SEMA3C: variants seen among roughly 807,000 people sequenced by gnomAD.
SEMA3C encodes semaphorin 3C.
In SEMA3C, 47 loss-of-function variants were observed where a neutral mutation model predicts 89.4. The ratio of observed to expected loss-of-function variants is 0.53; its 90% CI spans 0.42 to 0.67. The LOEUF (loss-of-function observed/expected upper bound fraction) is 0.67, where lower values mean the gene tolerates loss of function less well. SEMA3C is among the 30% of genes least tolerant of loss of function. SEMA3C has a pLI of 0.00. For synonymous variants in SEMA3C, 310 were observed against 320.2 expected (o/e 0.97, Z 0.34); for missense variants, 839 against 929.1 (o/e 0.90, Z 1.26).
intron 17 of SEMA3C, among the ~76,000 whole-genome samples, chr7:80,745,972 A>C (rs1406652158): frequency 1.3e-5 from 2 of 152,160 alleles, no homozygotes; most frequent in Non-Finnish European, 2.9e-5. Flanking sequence ...ATGAATTAAT[A>C]TTTAATTACT....
At chr7:80,818,771 G>A (rs1789674466) in intron 4 of SEMA3C, among the ~76,000 whole-genome samples, 1 of 152,212 alleles carries the variant, frequency 6.6e-6, no homozygotes, top group South Asian at 2.1e-4. Context: ...CCACAGGTTG[G>A]ACAAGTTTGT....
chr7:80,909,983 C>T (rs2116233404), intron 2 of SEMA3C, among the ~76,000 whole-genome samples: 1 of 152,198 alleles, frequency 6.6e-6, no homozygotes, highest in Middle Eastern at 3.4e-3. Context: ...CAGTGTTGTA[C>T]ATACTTGGAG....
In SEMA3C at chr7:80,827,010, A is replaced by AT. The variant is rs1259014194; in HGVS notation, c.327+414dup. On this transcript the variant is annotated intron_variant, in intron 4 of 17. Transcript: ENST00000265361. The stretch of plus-strand genomic sequence containing the variant: ...CATTTATCACTGGTGATTTGTATTT[A>AT]TGGAATTTGCTGGCTAACCACTACC... Among the ~76,000 whole-genome samples the AT allele has an allele frequency of 2.6e-5, 4 of 152,182 alleles. No homozygotes were observed. In the East Asian group the frequency reaches 7.7e-4, roughly 29 times the overall value.
intron 2 of SEMA3C, among the ~76,000 whole-genome samples, chr7:80,908,313 C>T (rs1433469452): frequency 6.6e-6 from 1 of 152,098 alleles, no homozygotes; most frequent in Non-Finnish European, 1.5e-5. Context: ...CAAATTTCAG[C>T]GATGAATGAA....
chr7:80,899,922 G>A (rs1238327605), intron 2 of SEMA3C, among the ~76,000 whole-genome samples: 1 of 152,102 alleles, frequency 6.6e-6, no homozygotes, highest in Non-Finnish European at 1.5e-5. Flanking sequence ...TCAGGGTAGG[G>A]AGTCTATTCT....
intron 2 of SEMA3C, among the ~76,000 whole-genome samples, chr7:80,899,120 A>C (rs1791811671): frequency 1.3e-5 from 2 of 152,264 alleles, no homozygotes; most frequent in East Asian, 3.9e-4. Context: ...GGCTCACTGC[A>C]ACCTCCGCCG....
At chr7:80,865,941 G>A (rs1417749649) in intron 2 of SEMA3C, among the ~76,000 whole-genome samples, 1 of 152,004 alleles carries the variant, frequency 6.6e-6, no homozygotes, top group African/African-American at 2.4e-5. Flanking sequence ...TTACATTATA[G>A]TTAACAACAG....
intron 2 of SEMA3C, among the ~76,000 whole-genome samples, chr7:80,889,306 T>A (rs905606778): frequency 6.6e-6 from 1 of 152,242 alleles, no homozygotes; most frequent in Non-Finnish European, 1.5e-5. Flanking sequence ...AGGAATAAGA[T>A]GTAGTAAAAT....
At chr7:80,824,389 C>T (rs1467503277) in intron 4 of SEMA3C, among the ~76,000 whole-genome samples, 1 of 152,110 alleles carries the variant, frequency 6.6e-6, no homozygotes, top group Non-Finnish European at 1.5e-5. Context: ...AACGAGTTCA[C>T]GTGCTTGTAT....
At chr7:80,761,487 G>A (rs1290375581) in intron 14 of SEMA3C, 129 bp downstream of exon 14, 6 of 483,686 alleles carry the variant, frequency 1.2e-5, no homozygotes, top group South Asian at 5.4e-5. Context: ...GTGACTTTGC[G>A]GTATACTTTA....
At chr7:80,758,580 T>C (rs1788118683) in intron 14 of SEMA3C, 92 bp from the exon 15 acceptor site, 6 of 1,250,104 alleles carry the variant, frequency 4.8e-6, no homozygotes, top group South Asian at 2.5e-5. Context: ...CCACAAACCC[T>C]TGGATTCATT....
intron 2 of SEMA3C, among the ~76,000 whole-genome samples, chr7:80,900,834 A>G (rs1791862160): frequency 1.3e-5 from 2 of 152,226 alleles, no homozygotes; most frequent in Admixed American, 1.3e-4. Flanking sequence ...CACTATAAAT[A>G]CTCCATCACC....
At chr7:80,863,179 C>G (rs867065649) in intron 2 of SEMA3C, among the ~76,000 whole-genome samples, 5 of 150,988 alleles carry the variant, frequency 3.3e-5, no homozygotes, top group Admixed American at 6.6e-5. Flanking sequence ...TTGCAGTGAG[C>G]CAAGATCGTG....
In SEMA3C at chr7:80,745,192, G is replaced by T; in HGVS notation, c.1958C>A (p.Thr653Asn). 6 of 1,613,978 alleles carry T rather than the reference G, an allele frequency of 3.7e-6. No homozygotes were observed. The highest frequency in any genetic ancestry group is 5.1e-6 in the Non-Finnish European group (6 of 1,179,982). The part of the protein sequence containing the change: ...CIATENSFKQ[T>N]IAKINFKVLD... ...AACTTTGAAGTTGATCTTGGCTATG[G>T]TCTGCTTGAAACTATTTTCTGTAGC... The change falls in exon 18 of 18, where the codon ACC (threonine) becomes AAC (asparagine). Residue 653 changes from threonine (T) to asparagine (N), a missense_variant. By Grantham distance (65) the Thr-to-Asn change is moderately conservative. Transcript: ENST00000265361.
At chr7:80,834,162 G>A (rs1036677936) in intron 2 of SEMA3C, among the ~76,000 whole-genome samples, 1 of 151,996 alleles carries the variant, frequency 6.6e-6, no homozygotes, top group African/African-American at 2.4e-5. Context: ...GGCAGCATAG[G>A]TCTCCTGGCC....
chr7:80,885,402 A>G (rs1474353281), intron 2 of SEMA3C, among the ~76,000 whole-genome samples: 1 of 152,064 alleles, frequency 6.6e-6, no homozygotes, highest in Non-Finnish European at 1.5e-5. Flanking sequence ...GGACTGCTTG[A>G]GCTCAGGAGT....
At chr7:80,850,476 T>C (rs1427193683) in intron 2 of SEMA3C, among the ~76,000 whole-genome samples, 2 of 152,158 alleles carry the variant, frequency 1.3e-5, no homozygotes, top group Non-Finnish European at 2.9e-5. Context: ...AGTGAATCTC[T>C]CAAGACATTA....
At chr7:80,820,743 T>C (rs1388111041) in intron 4 of SEMA3C, among the ~76,000 whole-genome samples, 1 of 152,174 alleles carries the variant, frequency 6.6e-6, no homozygotes, top group Non-Finnish European at 1.5e-5. Context: ...GATGATAACA[T>C]GTTTCTGAAG....
At chr7:80,812,744 C>T (rs1469289869) in intron 5 of SEMA3C, among the ~76,000 whole-genome samples, 1 of 151,974 alleles carries the variant, frequency 6.6e-6, no homozygotes, top group African/African-American at 2.4e-5. Context: ...GTTCGTTAGG[C>T]TTTTCTCTTT....
Sources: allele counts gnomAD v4.1 joint callset (sites outside exome capture counted in the v4.1 genomes callset), GRCh38; gene constraint gnomAD v4.1.1; transcripts MANE v1.5; gene names NCBI Gene and HGNC (gene_info 2026-07-23, HGNC 2026-07-21).